RNF115: variants seen among roughly 807,000 people sequenced by gnomAD.
RNF115 encodes E3 ubiquitin-protein ligase RNF115.
A neutral mutation model predicts 39.2 loss-of-function variants in RNF115; 31 were observed. The observed-to-expected ratio is 0.79, with a 90% CI of 0.59 to 1.07. The LOEUF (loss-of-function observed/expected upper bound fraction) is 1.07. Ranked by LOEUF, RNF115 falls within the 50% of genes least tolerant of loss-of-function variation. The probability of loss-of-function intolerance (pLI) is 0.00; values close to 1 mark genes in which losing one functional copy is unlikely to be tolerated. For missense variants in RNF115, 384 were observed against 381.7 expected (o/e 1.01, Z -0.05); for synonymous variants, 124 against 131.0 (o/e 0.95, Z 0.37).
chr1:145,779,819 C>A (rs986393897), intron 3 of RNF115, among the ~76,000 whole-genome samples: 1 of 151,974 alleles, frequency 6.6e-6, no homozygotes, highest in Non-Finnish European at 1.5e-5. Flanking sequence ...CCCGCCACCA[C>A]ACCTGGCTAA....
chr1:145,787,073 G>A (rs587735759), intron 2 of RNF115: 3 of 1,264,434 alleles, frequency 2.4e-6, no homozygotes, highest in Middle Eastern at 2.2e-4. Flanking sequence ...TCTGCCAACA[G>A]TAACAGTAAA....
rs1250768819 is a variant in RNF115 at position 145,804,536 on chromosome 1, C to A, written c.103-15570G>T. Among the ~76,000 whole-genome samples, 8 of 140,474 alleles carry A rather than the reference C, an allele frequency of 5.7e-5. No individual in the cohort carries two copies. The South Asian group carries it at 1.8e-3, about 32-fold the overall frequency. The allele number at this position is 140,474 out of a possible 152,430, so 92.2% of individuals were successfully genotyped here. A position where few individuals can be genotyped will look rare whatever the true frequency, so the allele number is the denominator to read the frequency against. ...ACACACACACACACACACACACAAT[C>A]AGACTGGAAACACAGAATAACCAAC... On this transcript the variant is annotated intron_variant, in intron 1 of 8. Transcript: ENST00000582693.
At chr1:145,778,748 G>A (rs1463525262) in intron 3 of RNF115, among the ~76,000 whole-genome samples, 2 of 152,056 alleles carry the variant, frequency 1.3e-5, no homozygotes, top group Non-Finnish European at 2.9e-5. Flanking sequence ...TTATGTAAAG[G>A]GCATCATATT....
At chr1:145,811,932 T>TATATATATACAC (rs1465945929) in intron 1 of RNF115, among the ~76,000 whole-genome samples, 7 of 74,664 alleles carry the variant, frequency 9.4e-5, no homozygotes, top group Non-Finnish European at 1.7e-4. Context: ...TATATATATA[T>TATATATATACAC]ACACACACAC....
chr1:145,823,960 G>T lies in RNF115; in HGVS notation c.-87C>A. 1.0e-6 allele frequency: 1 copy of T among 972,150 alleles called. No homozygotes were observed. 60.2% of individuals were successfully genotyped at this position (972,150 alleles called of 1,614,324 possible). ...CTCCCGAGCTGCAGTCGTCGCCGCC[G>T]CCGCCGCCTCGGTGCGGCCCACCGC... On this transcript the variant is annotated 5_prime_UTR_variant, in exon 1 of 9. Coordinates refer to ENST00000582693, the MANE Select transcript of RNF115 (RefSeq NM_014455.4).
intron 4 of RNF115, 81 bp from the exon 5 acceptor site, chr1:145,753,130 A>G: frequency 1.1e-6 from 1 of 923,608 alleles, no homozygotes; most frequent in Non-Finnish European, 1.7e-6. Flanking sequence ...CTAATCACCA[A>G]CTAATTCCCT....
chr1:145,805,408 T>A (rs1350897332), intron 1 of RNF115, among the ~76,000 whole-genome samples: 2 of 151,526 alleles, frequency 1.3e-5, no homozygotes, highest in Admixed American at 6.6e-5. Flanking sequence ...AAAAAAAAAA[T>A]TATCCAGGCC....
intron 4 of RNF115, among the ~76,000 whole-genome samples, chr1:145,768,914 C>CT (rs1395048857): frequency 6.6e-6 from 1 of 152,136 alleles, no homozygotes; most frequent in Admixed American, 6.6e-5. Context: ...CAAAGATATA[C>CT]TGTGTTTATT....
In RNF115 at chr1:145,788,941, G is replaced by A. The variant is rs371164049; in HGVS notation, c.128C>T (p.Ser43Leu). The change falls in exon 2 of 9, where the codon TCA becomes TTA. Residue 43 changes from serine to leucine, a missense_variant. By Grantham distance (145) the Ser-to-Leu change is moderately radical. Coordinates refer to ENST00000582693, the MANE Select transcript of RNF115 (RefSeq NM_014455.4). Reference sequence around the variant, plus strand: ...ATCTGTCACTTCTTCAATAAAGCCTGATTCACATCTGGGACATATATATTC... The same window carrying A: ...ATCTGTCACTTCTTCAATAAAGCCTAATTCACATCTGGGACATATATATTC... ...LPEYICPRCE[S>L]GFIEEVTDDS... is the part of the protein sequence containing the mutation. 1 of 1,601,116 alleles carries A rather than the reference G, an allele frequency of 6.2e-7. No individual in the cohort carries two copies. The highest frequency in any genetic ancestry group is 8.5e-7 in the Non-Finnish European group (1 of 1,171,128).
chr1:145,784,706 C>T, intron 2 of RNF115, 110 bp from the exon 3 acceptor site: 1 of 832,610 alleles, frequency 1.2e-6, no homozygotes, highest in South Asian at 1.5e-5. Flanking sequence ...GGAAAAATAA[C>T]TCATCCCAAC....
At chr1:145,762,679 A>C (rs781874247) in intron 4 of RNF115, among the ~76,000 whole-genome samples, 46 of 151,708 alleles carry the variant, frequency 3.0e-4, no homozygotes, top group Non-Finnish European at 5.4e-4. Flanking sequence ...TTTTTTTAAT[A>C]AGAAAAAAAA....
chr1:145,768,945 G>C (rs1647512978), intron 4 of RNF115, among the ~76,000 whole-genome samples: 1 of 152,118 alleles, frequency 6.6e-6, no homozygotes, highest in Non-Finnish European at 1.5e-5. Flanking sequence ...TGAAAGAAAA[G>C]AGAAAAGAAA....
chr1:145,811,798 G>A (rs1364241977), intron 1 of RNF115, among the ~76,000 whole-genome samples: 3 of 83,828 alleles, frequency 3.6e-5, no homozygotes, highest in Non-Finnish European at 7.5e-5. Context: ...CACGAGCATC[G>A]CTTGAAGCAC....
chr1:145,804,914 C>A (rs187178325), intron 1 of RNF115, among the ~76,000 whole-genome samples: 44 of 152,218 alleles, frequency 2.9e-4, no homozygotes, highest in African/African-American at 1.0e-3. Context: ...TCCTGGCACA[C>A]AGTTTGAGAA....
intron 4 of RNF115, among the ~76,000 whole-genome samples, chr1:145,764,007 C>T (rs1351180680): frequency 4.0e-5 from 6 of 151,848 alleles, no homozygotes; most frequent in Non-Finnish European, 5.9e-5. Flanking sequence ...TCACTGCAAC[C>T]TCCCTGCCTG....
intron 4 of RNF115, among the ~76,000 whole-genome samples, chr1:145,759,617 GTT>G (rs1291268644): frequency 6.6e-6 from 1 of 152,112 alleles, no homozygotes; most frequent in Admixed American, 6.5e-5. Context: ...CTCTTAAATG[GTT>G]TCTCTGCTGT....
intron 4 of RNF115, among the ~76,000 whole-genome samples, chr1:145,764,681 C>T (rs587618555): frequency 3.3e-5 from 5 of 152,192 alleles, no homozygotes; most frequent in Non-Finnish European, 7.4e-5. Flanking sequence ...CGTCTCTGCC[C>T]AGCAGCCACT....
chr1:145,794,702 G>GA (rs1648863011), intron 1 of RNF115, among the ~76,000 whole-genome samples: 1 of 151,390 alleles, frequency 6.6e-6, no homozygotes, highest in Non-Finnish European at 1.5e-5. Context: ...GACCCTCCCG[G>GA]TGAGTGTTAC....
intron 2 of RNF115, among the ~76,000 whole-genome samples, chr1:145,787,416 A>G (rs1309482873): frequency 2.6e-5 from 4 of 151,322 alleles, no homozygotes; most frequent in Non-Finnish European, 5.9e-5. Flanking sequence ...TACTAAGAAT[A>G]CAAAAATTAG....
Sources: gnomAD v4.1 joint callset for allele counts (sites outside exome capture counted in the v4.1 genomes callset) on GRCh38, gnomAD v4.1.1 for gene constraint, MANE v1.5 for transcripts, NCBI Gene and HGNC (gene_info 2026-07-23, HGNC 2026-07-21) for gene names.